Variants in ZNF362 observed in about 807,000 individuals in gnomAD.
The protein encoded by ZNF362 is rotund homolog.
Under a neutral mutation model 42.9 loss-of-function variants are expected in ZNF362, and 11 were observed. That is an observed-to-expected ratio of 0.26 (90% CI 0.16 to 0.42). The LOEUF (loss-of-function observed/expected upper bound fraction) is 0.42, where lower values mean the gene tolerates loss of function less well. ZNF362 is among the 20% of genes least tolerant of loss of function. ZNF362 has a pLI of 1.00. For synonymous variants in ZNF362, 255 were observed against 257.3 expected (o/e 0.99, Z 0.09); for missense variants, 362 against 576.2 (o/e 0.63, Z 3.81).
chr1:33,172,495 G>A, the ZNF362 span, among the ~76,000 whole-genome samples: 2 of 152,118 alleles, frequency 1.3e-5, no homozygotes, highest in Non-Finnish European at 2.9e-5. Context: ...GGCACTGGAG[G>A]AGGCCTTGAA....
chr1:33,275,571 A>G (rs1024842124), intron 2 of ZNF362, among the ~76,000 whole-genome samples: 8 of 152,186 alleles, frequency 5.3e-5, no homozygotes, highest in African/African-American at 1.9e-4. Flanking sequence ...TGTCCTGCCA[A>G]ACTGCCCCTC....
At chr1:33,197,209 G>A in the ZNF362 span, among the ~76,000 whole-genome samples, 5 of 152,162 alleles carry the variant, frequency 3.3e-5, no homozygotes, top group Admixed American at 3.3e-4. Context: ...ATTGACTGAA[G>A]GCTGCACTGT....
the ZNF362 span, among the ~76,000 whole-genome samples, chr1:33,218,419 T>C: frequency 6.6e-6 from 1 of 152,178 alleles, no homozygotes; most frequent in Admixed American, 6.6e-5. Context: ...CACTCCAGCC[T>C]GGACCCTGTC....
the ZNF362 span, chr1:33,182,123 C>G: frequency 3.3e-5 from 5 of 151,984 alleles, no homozygotes; most frequent in Non-Finnish European, 5.9e-5. Context: ...ACTCCGCCCC[C>G]GCAGCGGGCG....
chr1:33,186,161 C>A, the ZNF362 span, among the ~76,000 whole-genome samples: 33 of 152,258 alleles, frequency 2.2e-4, no homozygotes, highest in Non-Finnish European at 3.8e-4. Context: ...TCTTGACTTA[C>A]CCACACATAT....
chr1:33,295,621 G>A (rs1296104933), intron 8 of ZNF362, among the ~76,000 whole-genome samples: 11 of 152,118 alleles, frequency 7.2e-5, no homozygotes, highest in South Asian at 6.2e-4. Context: ...AGAGAGAAGC[G>A]CCTTCCTGTC....
the ZNF362 span, among the ~76,000 whole-genome samples, chr1:33,237,225 G>A: frequency 6.6e-6 from 1 of 152,178 alleles, no homozygotes; most frequent in Non-Finnish European, 1.5e-5. Context: ...GCCATGGGTT[G>A]TGGTTTGAAT....
chr1:33,171,823 C>T, the ZNF362 span, among the ~76,000 whole-genome samples: 1 of 152,108 alleles, frequency 6.6e-6, no homozygotes, highest in Non-Finnish European at 1.5e-5. Flanking sequence ...GCTCTGTAAC[C>T]CAGTCTGGGG....
rs1382542472 is a variant in ZNF362 at position 33,280,610 on chromosome 1, C to G, written c.683+153C>G. Among the ~76,000 whole-genome samples the G allele has an allele frequency of 1.3e-5, 2 of 152,266 alleles. No individual in the cohort carries two copies. The highest frequency in any genetic ancestry group is 2.9e-5 in the Non-Finnish European group (2 of 67,994). ...AGGGGCGGGGCCTTCTGGAGAGCCC[C>G]ACCCACATCCCAAGTCCCAGTTCGG... On this transcript the variant is annotated intron_variant, in intron 5 of 8. Coordinates refer to ENST00000539719, the MANE Select transcript of ZNF362 (RefSeq NM_152493.3). This position sits in a 1 kb window ranked among gnomAD's most constrained non-coding sequence, Gnocchi z 5.6.
chr1:33,189,281 T>G, the ZNF362 span, among the ~76,000 whole-genome samples: 2 of 152,228 alleles, frequency 1.3e-5, no homozygotes, highest in South Asian at 4.2e-4. Context: ...AAGTGTGAGC[T>G]GAGGGGAGAG....
chr1:33,257,708 G>A (rs923434939), intron 1 of ZNF362, among the ~76,000 whole-genome samples: 6 of 152,130 alleles, frequency 3.9e-5, no homozygotes, highest in African/African-American at 1.4e-4. Flanking sequence ...CTCAGAATGG[G>A]TCCAGGATTT....
the ZNF362 span, among the ~76,000 whole-genome samples, chr1:33,236,944 G>A: frequency 6.6e-6 from 1 of 151,684 alleles, no homozygotes; most frequent in Non-Finnish European, 1.5e-5. Context: ...GGTGGTACAT[G>A]CCTGTAATCC....
rs1646138935 is a variant in ZNF362, at chr1:33,298,226, T to G, written c.1147-704T>G. 5.9e-5 allele frequency among the ~76,000 whole-genome samples: 9 copies of G among 152,344 alleles called. 1 individual carries two copies. In the South Asian group the frequency reaches 1.9e-3, roughly 32 times the overall value. The stretch of plus-strand genomic sequence containing the variant: ...AGTGGAGGACATGATAGTACCCACC[T>G]GTAGTCCCAGCTACTTGGAGGGCTG... On this transcript the variant is annotated intron_variant, in intron 8 of 8. Transcript: ENST00000539719.
the ZNF362 span, among the ~76,000 whole-genome samples, chr1:33,134,181 C>T: frequency 2.0e-5 from 3 of 152,246 alleles, no homozygotes; most frequent in Non-Finnish European, 4.4e-5. Context: ...CCACCTGGCA[C>T]GTGGCAGTCC....
intron 6 of ZNF362, among the ~76,000 whole-genome samples, chr1:33,291,442 G>A (rs1570409031): frequency 1.3e-5 from 2 of 152,346 alleles, no homozygotes; most frequent in South Asian, 4.1e-4. Flanking sequence ...TTTGGTACCA[G>A]TATCATGCTG....
At chr1:33,236,550 A>AAAAAAAAAAATATATATAT in the ZNF362 span, among the ~76,000 whole-genome samples, 5 of 5,976 alleles carry the variant, frequency 8.4e-4, no homozygotes, top group East Asian at 0.017. Flanking sequence ...AAAAAAAAAA[A>AAAAAAAAAAATATATATAT]ATATATATAT....
chr1:33,247,925 G>A, the ZNF362 span, among the ~76,000 whole-genome samples: 1 of 152,220 alleles, frequency 6.6e-6, no homozygotes, highest in Non-Finnish European at 1.5e-5. Context: ...ACTGTGCTGG[G>A]CACTCTCCCT....
the ZNF362 span, among the ~76,000 whole-genome samples, chr1:33,148,233 C>T: frequency 5.9e-5 from 9 of 152,204 alleles, no homozygotes; most frequent in Non-Finnish European, 8.8e-5. Context: ...CCTTCCCCGA[C>T]TCCCAGTGAT....
the ZNF362 span, among the ~76,000 whole-genome samples, chr1:33,149,769 T>C: frequency 6.6e-6 from 1 of 152,222 alleles, no homozygotes; most frequent in African/African-American, 2.4e-5. Context: ...ATTCTTTAGC[T>C]TTATTTGTGC....
Sources: gnomAD v4.1 joint callset for allele counts (sites outside exome capture counted in the v4.1 genomes callset) on GRCh38, gnomAD v4.1.1 for gene constraint, Gnocchi (gnomAD v3.1) non-coding constraint, MANE v1.5 for transcripts, NCBI Gene and HGNC (gene_info 2026-07-23, HGNC 2026-07-21) for gene names.